Variants in PCCA observed in about 807,000 individuals in gnomAD.
PCCA encodes the protein propionyl-CoA carboxylase alpha chain, mitochondrial.
In PCCA, 74 loss-of-function variants were observed where a neutral mutation model predicts 101.3. The observed-to-expected ratio is 0.73, with a 90% CI of 0.61 to 0.89. PCCA has a LOEUF of 0.89. PCCA is among the 40% of genes least tolerant of loss of function. The probability of loss-of-function intolerance (pLI) is 0.00; values close to 1 mark genes in which losing one functional copy is unlikely to be tolerated. For synonymous variants in PCCA, 294 were observed against 313.6 expected, an observed-to-expected ratio of 0.94 and a Z score of 0.66; for missense variants, 891 against 907.0, an observed-to-expected ratio of 0.98 and a Z score of 0.23.
At chr13:100,415,675 C>G (rs2078316459) in intron 19 of PCCA, among the ~76,000 whole-genome samples, 1 of 152,092 alleles carries the variant, frequency 6.6e-6, no homozygotes, top group Non-Finnish European at 1.5e-5. Context: ...CAATGCTAAT[C>G]TCCTTAACAT....
At chr13:100,311,355 C>T (rs2066902970) in intron 16 of PCCA, among the ~76,000 whole-genome samples, 1 of 152,068 alleles carries the variant, frequency 6.6e-6, no homozygotes, top group African/African-American at 2.4e-5. Context: ...TTATAAATTA[C>T]TGGTGAGGAT....
At chr13:100,092,376 TTTTC>T (rs142479536) in intron 1 of PCCA, among the ~76,000 whole-genome samples, 174 of 151,752 alleles carry the variant, frequency 1.1e-3, no homozygotes, top group African/African-American at 4.2e-3. Flanking sequence ...GAAGGCTTTC[TTTTC>T]TTTCTTCCTT....
At chr13:100,425,867 T>G in intron 20 of PCCA, 136 bp downstream of exon 20, 1 of 677,320 alleles carries the variant, frequency 1.5e-6, no homozygotes. Context: ...AGTCGAAAAC[T>G]TTTTCTTTTC....
At chr13:100,253,703 G>A (rs1168418216) in intron 8 of PCCA, among the ~76,000 whole-genome samples, 1 of 152,148 alleles carries the variant, frequency 6.6e-6, no homozygotes, top group African/African-American at 2.4e-5. Context: ...GTGCAGAAGA[G>A]AATAAGGAGT....
chr13:100,523,331 T>G (rs1245452272), intron 22 of PCCA, among the ~76,000 whole-genome samples: 1 of 152,162 alleles, frequency 6.6e-6, no homozygotes, highest in Non-Finnish European at 1.5e-5. Context: ...TAAATGGAAC[T>G]TGATAGATTT....
chr13:100,280,701 T>G (rs1162630280), intron 12 of PCCA, among the ~76,000 whole-genome samples: 1 of 152,218 alleles, frequency 6.6e-6, no homozygotes, highest in Non-Finnish European at 1.5e-5. Flanking sequence ...TTTCCAAAGT[T>G]TCAGCTACAC....
At chr13:100,146,193 C>T (rs1335554666) in intron 4 of PCCA, among the ~76,000 whole-genome samples, 4 of 151,620 alleles carry the variant, frequency 2.6e-5, no homozygotes, top group Non-Finnish European at 5.9e-5. Context: ...TGCCTGCCTC[C>T]ACCTCCCAAA....
chr13:100,396,410 G>C (rs2077047482), intron 19 of PCCA, among the ~76,000 whole-genome samples: 1 of 152,184 alleles, frequency 6.6e-6, no homozygotes, highest in African/African-American at 2.4e-5. Context: ...GATGTAATAA[G>C]CACCCCAGAA....
intron 7 of PCCA, among the ~76,000 whole-genome samples, chr13:100,222,063 A>G (rs997816865): frequency 1.3e-5 from 2 of 150,442 alleles, no homozygotes; most frequent in African/African-American, 4.9e-5. Context: ...TTTTTTTGAG[A>G]CAGAGTCTCA....
rs750585321 is a variant in PCCA at position 100,302,967 on chromosome 13, C to G, written c.1253C>G (p.Ser418Cys). 1 of 1,606,508 alleles carries G rather than the reference C, an allele frequency of 6.2e-7. No individual in the cohort carries two copies. The highest frequency in any genetic ancestry group is 1.1e-5 in the South Asian group (1 of 90,930). ...GGTTTACCATCTATTGGGAGATTGT[C>G]TCAGTACCAAGAACCGTTACATCTA... ...SFGLPSIGRL[S>C]QYQEPLHLPG... The change falls in exon 14 of 24, where the codon TCT (serine) becomes TGT (cysteine). Residue 418 changes from serine (S) to cysteine (C), a missense_variant. Physicochemically the swap from Ser to Cys is moderately radical, Grantham distance 112. Coordinates refer to ENST00000376285, the MANE Select transcript of PCCA (RefSeq NM_000282.4).
intron 6 of PCCA, among the ~76,000 whole-genome samples, chr13:100,178,916 A>C (rs978094393): frequency 6.6e-6 from 1 of 151,672 alleles, no homozygotes; most frequent in Non-Finnish European, 1.5e-5. Context: ...TCTCTACTAA[A>C]AATACAAAAT....
chr13:100,343,422 AT>A (rs2071695337), intron 18 of PCCA, among the ~76,000 whole-genome samples: 1 of 152,266 alleles, frequency 6.6e-6, no homozygotes, highest in South Asian at 2.1e-4. Context: ...TATCCATACT[AT>A]GAGCTTATTC....
intron 7 of PCCA, among the ~76,000 whole-genome samples, chr13:100,217,922 A>G (rs1283988442): frequency 1.3e-5 from 2 of 151,092 alleles, no homozygotes; most frequent in African/African-American, 4.9e-5. Flanking sequence ...AAAAATAGAA[A>G]AAAATAAGCT....
chr13:100,511,742 C>T (rs1043748184), intron 21 of PCCA, among the ~76,000 whole-genome samples: 1 of 152,242 alleles, frequency 6.6e-6, no homozygotes, highest in Non-Finnish European at 1.5e-5. Context: ...GTACAGCAAA[C>T]TGCAAGCGCT....
At chr13:100,451,653 A>G (rs1392859231) in intron 21 of PCCA, among the ~76,000 whole-genome samples, 1 of 150,352 alleles carries the variant, frequency 6.7e-6, no homozygotes, top group Non-Finnish European at 1.5e-5. Flanking sequence ...TGGCAACTTG[A>G]ACTAATCCTT....
chr13:100,330,485 TA>T, intron 16 of PCCA, 75 bp from the exon 17 acceptor site: 1 of 877,816 alleles, frequency 1.1e-6, no homozygotes, highest in Admixed American at 1.8e-5. Flanking sequence ...ACAGTGATGA[TA>T]AATTTCTCCA....
At chr13:100,099,360 C>G (rs2047064927) in intron 1 of PCCA, among the ~76,000 whole-genome samples, 1 of 149,746 alleles carries the variant, frequency 6.7e-6, no homozygotes, top group Admixed American at 6.7e-5. Flanking sequence ...CTCTGTCACC[C>G]AGACTGGAGT....
chr13:100,425,640 T>C lies in PCCA; in HGVS notation c.1754T>C (p.Val585Ala). The C allele has an allele frequency of 6.2e-7, 1 of 1,612,786 alleles. No homozygotes were observed. Among genetic ancestry groups the C allele is most frequent in the Non-Finnish European group, 8.5e-7 (1 of 1,178,774 alleles). Residue 585 changes from valine to alanine, a missense_variant, in exon 20 of 24, where the codon GTT becomes GCT. Transcript: ENST00000376285. Reference sequence around the variant, plus strand: ...TATTTGGTGTCACAACAGGTGGAAGTTGATGGGTCGAAACTAAATGTGACC... The same window carrying C: ...TATTTGGTGTCACAACAGGTGGAAGCTGATGGGTCGAAACTAAATGTGACC... ...SNNGSVFSVE[V>A]DGSKLNVTST...
chr13:100,525,429 C>G (rs1594146646), intron 22 of PCCA, among the ~76,000 whole-genome samples: 3 of 152,228 alleles, frequency 2.0e-5, no homozygotes, highest in African/African-American at 7.2e-5. Flanking sequence ...GAAAGATGGT[C>G]AGTGGCAGCC....
Sources: gnomAD v4.1 joint callset for allele counts (sites outside exome capture counted in the v4.1 genomes callset) on GRCh38, gnomAD v4.1.1 for gene constraint, MANE v1.5 for transcripts, NCBI Gene and HGNC (gene_info 2026-07-23, HGNC 2026-07-21) for gene names.